R3HDM2: variants seen among roughly 807,000 people sequenced by gnomAD.
The protein encoded by R3HDM2 is R3H domain-containing protein 2.
R3HDM2 carries 38 observed loss-of-function variants against 124.5 expected under a neutral mutation model. The ratio of observed to expected loss-of-function variants is 0.31; its 90% confidence interval spans 0.24 to 0.40. R3HDM2 has a LOEUF of 0.40. Ranked by LOEUF, R3HDM2 falls within the 10% of genes least tolerant of loss-of-function variation. The probability of loss-of-function intolerance (pLI) is 1.00; values close to 1 mark genes in which losing one functional copy is unlikely to be tolerated. For synonymous variants in R3HDM2, 391 were observed against 448.0 expected (o/e 0.87, Z 1.61); for missense variants, 869 against 1,236.9 (o/e 0.70, Z 4.46).
intron 1 of R3HDM2, among the ~76,000 whole-genome samples, chr12:57,407,274 GATGTTAAAC>G (rs2068611894): frequency 6.6e-6 from 1 of 150,822 alleles, no homozygotes; most frequent in East Asian, 1.9e-4. Flanking sequence ...AAAATTAAAA[GATGTTAAAC>G]ATGCACTGAC....
intron 1 of R3HDM2, among the ~76,000 whole-genome samples, chr12:57,406,817 G>T (rs554437106): frequency 6.6e-6 from 1 of 152,202 alleles, no homozygotes; most frequent in South Asian, 2.1e-4. Context: ...AGAAAATATG[G>T]GAGACAGAGA....
At chr12:57,337,139 TTTGTTGTTGTTG>T (rs528126049) in intron 2 of R3HDM2, among the ~76,000 whole-genome samples, 17 of 151,342 alleles carry the variant, frequency 1.1e-4, no homozygotes, top group Admixed American at 4.6e-4. Flanking sequence ...TTTCTCTCTT[TTTGTTGTTGTTG>T]TTGTTGTTGT....
intron 2 of R3HDM2, among the ~76,000 whole-genome samples, chr12:57,368,390 G>T (rs577925809): frequency 6.6e-6 from 1 of 152,260 alleles, no homozygotes; most frequent in South Asian, 2.1e-4. Flanking sequence ...TTTGCCCTTA[G>T]CTCTTAGGAA....
intron 4 of R3HDM2, 121 bp downstream of exon 4, chr12:57,303,055 C>T: frequency 1.1e-6 from 1 of 889,632 alleles, no homozygotes; most frequent in Non-Finnish European, 1.8e-6. Flanking sequence ...AATTGGGGTA[C>T]AGAGTACAGG....
intron 2 of R3HDM2, among the ~76,000 whole-genome samples, chr12:57,328,212 C>T (rs1317069954): frequency 6.6e-6 from 1 of 152,080 alleles, no homozygotes; most frequent in African/African-American, 2.4e-5. Flanking sequence ...GCTGGGACTA[C>T]AGGCAAGCCT....
intron 1 of R3HDM2, among the ~76,000 whole-genome samples, chr12:57,402,500 C>A (rs1206423104): frequency 6.6e-6 from 1 of 152,030 alleles, no homozygotes; most frequent in Admixed American, 6.6e-5. Flanking sequence ...CCATGTCCAG[C>A]TAATTTTTAT....
intron 11 of R3HDM2, among the ~76,000 whole-genome samples, chr12:57,289,488 T>G (rs1442859696): frequency 6.6e-6 from 1 of 152,218 alleles, no homozygotes; most frequent in Non-Finnish European, 1.5e-5. Context: ...CATTTCTGTC[T>G]CCTACATTGG....
intron 1 of R3HDM2, chr12:57,415,500 A>G (rs942760599): frequency 2.0e-5 from 3 of 152,156 alleles, no homozygotes; most frequent in Non-Finnish European, 1.5e-5. Context: ...AAGAGACCCA[A>G]AATCTTAAAA....
At chr12:57,308,487 C>T (rs943628596) in intron 3 of R3HDM2, among the ~76,000 whole-genome samples, 2 of 144,664 alleles carry the variant, frequency 1.4e-5, no homozygotes, top group Non-Finnish European at 3.0e-5. Context: ...GAGTTCAAGA[C>T]CAGCCTGGCC....
chr12:57,361,922 A>T (rs2062009285), intron 2 of R3HDM2, among the ~76,000 whole-genome samples: 1 of 152,146 alleles, frequency 6.6e-6, no homozygotes, highest in South Asian at 2.1e-4. Flanking sequence ...AGACACCATT[A>T]AGAAAATCAC....
chr12:57,353,234 G>A (rs1456472876), intron 2 of R3HDM2, among the ~76,000 whole-genome samples: 1 of 151,788 alleles, frequency 6.6e-6, no homozygotes, highest in African/African-American at 2.4e-5. Flanking sequence ...ATACATATAG[G>A]ACAAATAACT....
intron 9 of R3HDM2, 72 bp from the exon 10 acceptor site, chr12:57,295,579 T>C: frequency 2.9e-6 from 3 of 1,022,876 alleles, no homozygotes; most frequent in Non-Finnish European, 4.4e-6. Context: ...ACCTATTAGG[T>C]ACAGCTCTCC....
intron 23 of R3HDM2, among the ~76,000 whole-genome samples, chr12:57,255,641 T>C (rs6421187): frequency 0.97 from 148,259 of 152,262 alleles, 72,310 homozygotes; most frequent in Middle Eastern, 1. Flanking sequence ...GACGAGAGTT[T>C]CTCCCCCATA....
At chr12:57,313,748 G>C (rs2054410179) in intron 2 of R3HDM2, among the ~76,000 whole-genome samples, 1 of 151,368 alleles carries the variant, frequency 6.6e-6, no homozygotes, top group African/African-American at 2.4e-5. Context: ...GGATGTGGTG[G>C]AGTGTGCCTG....
intron 1 of R3HDM2, among the ~76,000 whole-genome samples, chr12:57,420,659 C>A (rs2070105298): frequency 6.6e-6 from 1 of 151,698 alleles, no homozygotes; most frequent in Non-Finnish European, 1.5e-5. Flanking sequence ...CCAGGCTTTA[C>A]TAGTTTTCCA....
chr12:57,283,928 G>A lies in R3HDM2; in HGVS notation c.1067C>T (p.Pro356Leu). The A allele has an allele frequency of 5.6e-6, 9 of 1,614,168 alleles. No individual in the cohort carries two copies. Among genetic ancestry groups the A allele is most frequent in the African/African-American group, 1.3e-5 (1 of 75,042 alleles). The change falls in exon 13 of 24, where the codon CCC becomes CTC. Residue 356 changes from proline to leucine, a missense_variant. By Grantham distance (98) the Pro-to-Leu change is moderately conservative. Around this residue, in one of 2 missense-constraint regions of R3HDM2, gnomAD observed 267 missense variants for 447.7 expected, o/e 0.60. Transcript: ENST00000402412. ...GAAGCTGCTAGCTTTGGTGACAGGG[G>A]GTCGCATGCTCCGGACAGAGCCATC... ...DSDGSVRSMR[P>L]PVTKASSFSG...
At chr12:57,269,615 T>C in intron 15 of R3HDM2, 137 bp downstream of exon 15, 1 of 1,466,418 alleles carries the variant, frequency 6.8e-7, no homozygotes, top group South Asian at 1.4e-5. Flanking sequence ...GAAAGAAGAC[T>C]TTCTGGCTAG....
In R3HDM2 at chr12:57,354,149, G is replaced by A. The variant is rs547432548; in HGVS notation, c.-36+41600C>T. Among the ~76,000 whole-genome samples the A allele has an allele frequency of 9.9e-5, 15 of 151,986 alleles. No individual in the cohort carries two copies. In the South Asian group the frequency reaches 1.5e-3, roughly 15 times the overall value. ...CTCCCAAAGTGCTGGGATTACAGGC[G>A]TGAGCCACCACGCCTGGTCTAATTT... On this transcript the variant is annotated intron_variant, in intron 2 of 23. Transcript: ENST00000402412.
intron 2 of R3HDM2, among the ~76,000 whole-genome samples, chr12:57,358,692 C>A (rs555050990): frequency 6.6e-6 from 1 of 151,654 alleles, no homozygotes; most frequent in South Asian, 2.1e-4. Flanking sequence ...TTTTATGGCC[C>A]AAGATATGGT....
Sources: allele counts gnomAD v4.1 joint callset (sites outside exome capture counted in the v4.1 genomes callset), GRCh38; gene constraint gnomAD v4.1.1; regional missense constraint gnomAD v4.1.1; transcripts MANE v1.5; gene names NCBI Gene and HGNC (gene_info 2026-07-23, HGNC 2026-07-21).